Variants in GRIN2A observed in about 807,000 individuals in gnomAD.
The protein encoded by GRIN2A is glutamate ionotropic receptor NMDA type subunit 2A.
A neutral mutation model predicts 113.4 loss-of-function variants in GRIN2A; 22 were observed. The observed-to-expected ratio is 0.19, with a 90% CI of 0.14 to 0.28. The LOEUF (loss-of-function observed/expected upper bound fraction) is 0.28, where lower values mean the gene tolerates loss of function less well. Ranked by LOEUF, GRIN2A falls within the 10% of genes least tolerant of loss-of-function variation. The pLI is 1.00. For missense variants in GRIN2A, 1,502 were observed against 1,887.0 expected (o/e 0.80, Z 3.78); for synonymous variants, 827 against 738.4 (o/e 1.12, Z -1.94).
chr16:10,034,149 A>G (rs918977128), intron 2 of GRIN2A, among the ~76,000 whole-genome samples: 9 of 152,186 alleles, frequency 5.9e-5, no homozygotes, highest in Non-Finnish European at 8.8e-5. Flanking sequence ...CAACCAAATC[A>G]TAAGTGTCCC....
intron 2 of GRIN2A, among the ~76,000 whole-genome samples, chr16:10,084,279 T>A (rs1467472469): frequency 6.6e-6 from 1 of 152,210 alleles, no homozygotes; most frequent in Non-Finnish European, 1.5e-5. Context: ...AAAACAGGCA[T>A]AGTCTCTGCC....
intron 2 of GRIN2A, among the ~76,000 whole-genome samples, chr16:10,014,021 C>G (rs1272441431): frequency 6.6e-6 from 1 of 152,200 alleles, no homozygotes; most frequent in Non-Finnish European, 1.5e-5. Flanking sequence ...TGTAATTACA[C>G]ACAGTTACTG....
intron 4 of GRIN2A, among the ~76,000 whole-genome samples, chr16:9,850,764 T>A (rs1465591450): frequency 1.3e-5 from 2 of 152,164 alleles, no homozygotes; most frequent in African/African-American, 4.8e-5. Flanking sequence ...CATCAAGACC[T>A]GTCAAAATAG....
intron 5 of GRIN2A, among the ~76,000 whole-genome samples, chr16:9,843,772 T>C (rs2042724707): frequency 6.6e-6 from 1 of 152,210 alleles, no homozygotes; most frequent in Non-Finnish European, 1.5e-5. Context: ...TGTGTATATT[T>C]ACATGTGATG....
intron 2 of GRIN2A, among the ~76,000 whole-genome samples, chr16:10,039,986 C>CCACACACACAAA (rs1209484040): frequency 2.9e-3 from 1 of 344 alleles, no homozygotes; most frequent in African/African-American, 9.4e-3. Flanking sequence ...CACCTCCACA[C>CCACACACACAAA]TGCACAAATA....
intron 2 of GRIN2A, among the ~76,000 whole-genome samples, chr16:10,038,619 A>G (rs77616536): frequency 0.22 from 32,689 of 151,720 alleles, 4,222 homozygotes; most frequent in East Asian, 0.52. Flanking sequence ...CGAGGCGGGC[A>G]GATCACGAGG....
At chr16:10,152,512 TC>T (rs374840056) in intron 2 of GRIN2A, among the ~76,000 whole-genome samples, 6 of 152,222 alleles carry the variant, frequency 3.9e-5, no homozygotes, top group African/African-American at 1.2e-4. Context: ...CAGTCCGTTT[TC>T]CCCCCAACCA....
chr16:9,951,170 GC>G (rs1171457939), intron 2 of GRIN2A, among the ~76,000 whole-genome samples: 1 of 152,116 alleles, frequency 6.6e-6, no homozygotes, highest in Non-Finnish European at 1.5e-5. Context: ...TCCTCTGGAA[GC>G]AATGCATCCA....
chr16:10,168,242 CT>C (rs910155570), intron 2 of GRIN2A, among the ~76,000 whole-genome samples: 1 of 152,120 alleles, frequency 6.6e-6, no homozygotes, highest in African/African-American at 2.4e-5. Context: ...CATAGGTTGT[CT>C]GCTTTTCAAA....
chr16:10,096,539 A>AACACACACACACACACAC (rs59351819), intron 2 of GRIN2A, among the ~76,000 whole-genome samples: 9,579 of 137,438 alleles, frequency 0.07, 475 homozygotes, highest in Non-Finnish European at 0.1. Flanking sequence ...ATTGTGGTAA[A>AACACACACACACACACAC]ACACACACAC....
chr16:9,893,257 CTT>C (rs2141489085), intron 3 of GRIN2A, among the ~76,000 whole-genome samples: 1 of 152,206 alleles, frequency 6.6e-6, no homozygotes, highest in East Asian at 1.9e-4. Context: ...AAAAACAGGG[CTT>C]GTCTATGTCT....
intron 10 of GRIN2A, among the ~76,000 whole-genome samples, chr16:9,802,427 TG>T (rs1377609431): frequency 3.9e-5 from 6 of 152,146 alleles, no homozygotes; most frequent in African/African-American, 1.2e-4. Context: ...CTGAGCAAAC[TG>T]ATGCAGGAAC....
At chr16:10,062,483 C>G (rs890671607) in intron 2 of GRIN2A, among the ~76,000 whole-genome samples, 10 of 152,186 alleles carry the variant, frequency 6.6e-5, no homozygotes, top group African/African-American at 2.4e-4. Context: ...CCTAATGAAA[C>G]AAACTCCAGA....
At chr16:9,885,063 C>T (rs146332435) in intron 4 of GRIN2A, among the ~76,000 whole-genome samples, 1 of 152,168 alleles carries the variant, frequency 6.6e-6, no homozygotes, top group East Asian at 1.9e-4. Context: ...GGCCCAAGTT[C>T]ACCCTTCTCT....
intron 2 of GRIN2A, among the ~76,000 whole-genome samples, chr16:10,139,066 G>A (rs559816227): frequency 6.6e-6 from 1 of 152,318 alleles, no homozygotes; most frequent in East Asian, 1.9e-4. Context: ...TGTGTGAAAT[G>A]CCTCAGAACA....
At chr16:10,034,382 C>T (rs1371132658) in intron 2 of GRIN2A, among the ~76,000 whole-genome samples, 2 of 151,506 alleles carry the variant, frequency 1.3e-5, no homozygotes, top group Non-Finnish European at 2.9e-5. Context: ...AAAAATTAGC[C>T]GGAATGTTAG....
At chr16:10,004,930 G>A (rs2046380392) in intron 2 of GRIN2A, among the ~76,000 whole-genome samples, 1 of 152,220 alleles carries the variant, frequency 6.6e-6, no homozygotes, top group South Asian at 2.1e-4. Context: ...GCAAGAGAGA[G>A]TAGAAGTGGA....
intron 4 of GRIN2A, among the ~76,000 whole-genome samples, chr16:9,882,376 A>T (rs1183958247): frequency 6.6e-6 from 1 of 152,184 alleles, no homozygotes; most frequent in Non-Finnish European, 1.5e-5. Context: ...CTCCTTTATC[A>T]TATCTGTACT....
rs1900492520 is a variant in GRIN2A at position 9,759,624 on chromosome 16, T to C, written c.*3525A>G. ...AGAAAAACTAAATACTCAGACTCTC[T>C]GGCATCCTGTGAATCAGGGAAGAGA... is the stretch of plus-strand genomic sequence containing the variant. On this transcript the variant is annotated 3_prime_UTR_variant, in exon 13 of 13. Coordinates refer to ENST00000330684, the MANE Select transcript of GRIN2A (RefSeq NM_001134407.3). 1 of 230,092 alleles carries C rather than the reference T, an allele frequency of 4.3e-6. No homozygotes were observed. Among genetic ancestry groups the C allele is most frequent in the Non-Finnish European group, 8.6e-6 (1 of 116,226 alleles). 14.3% of individuals were successfully genotyped at this position (230,092 alleles called of 1,614,324 possible).
Sources: allele counts gnomAD v4.1 joint callset (sites outside exome capture counted in the v4.1 genomes callset), GRCh38; gene constraint gnomAD v4.1.1; transcripts MANE v1.5; gene names NCBI Gene and HGNC (gene_info 2026-07-23, HGNC 2026-07-21).